The following PDK3 variants were observed in gnomAD, a reference collection of about 807,000 sequenced individuals.
PDK3 encodes pyruvate dehydrogenase kinase, isozyme 3.
In PDK3, 12 loss-of-function variants were observed where a neutral mutation model predicts 32.0. The observed-to-expected ratio is 0.37, with a 90% CI of 0.24 to 0.61. The LOEUF (loss-of-function observed/expected upper bound fraction) is 0.61. Ranked by LOEUF, PDK3 falls within the 20% of genes least tolerant of loss-of-function variation. The probability of loss-of-function intolerance (pLI) is 0.65; values close to 1 mark genes in which losing one functional copy is unlikely to be tolerated. For synonymous variants in PDK3, 122 were observed against 116.3 expected (o/e 1.05, Z -0.31); for missense variants, 188 against 316.9 (o/e 0.59, Z 3.09).
At chrX:24,527,027 A>G (rs139442926) in intron 7 of PDK3, among the ~76,000 whole-genome samples, 1 of 112,440 alleles carries the variant, frequency 8.9e-6, no homozygotes, top group African/African-American at 3.2e-5. Context: ...ATGGGCATTC[A>G]ATTGTGAACT....
In PDK3 at chrX:24,494,072, C is replaced by G. The variant is rs779655492; in HGVS notation, c.107-670C>G. ...GAAGCCTCCAGAAGGCACTGACCTC[C>G]TTCCTTATGGTCAACCCACATCTTA... On this transcript the variant is annotated intron_variant, in intron 1 of 10. Coordinates refer to ENST00000379162, the MANE Select transcript of PDK3 (RefSeq NM_005391.5). Among the ~76,000 whole-genome samples the G allele has an allele frequency of 2.3e-4, 26 of 112,421 alleles. 1 individual carries two copies. The South Asian group carries it at 9.2e-3, about 40-fold the overall frequency.
At chrX:24,528,279 G>A (rs1343258419) in intron 9 of PDK3, 93 bp downstream of exon 9, 1 of 491,144 alleles carries the variant, frequency 2.0e-6, no homozygotes, top group African/African-American at 2.4e-5. Flanking sequence ...TCACATTAGT[G>A]TAGTTGATTT....
At position 24,497,588 on chromosome X, in the gene PDK3, C is replaced by A. The variant is rs112802742; in HGVS notation, c.249-1241C>A. ...GGCGTGAGCTAACACGCCCAGCCCCCAGAGACTTTTAAAAAGTATGTCCAT... is the reference window on the plus strand; with the variant it reads ...GGCGTGAGCTAACACGCCCAGCCCCAAGAGACTTTTAAAAAGTATGTCCAT... On this transcript the variant is annotated intron_variant, in intron 2 of 10. Coordinates refer to ENST00000379162, the MANE Select transcript of PDK3 (RefSeq NM_005391.5). Among the ~76,000 whole-genome samples, 1,055 of 113,051 alleles carry A rather than the reference C, an allele frequency of 9.3e-3. 11 individuals carry two copies. The highest frequency in any genetic ancestry group is 0.032 in the African/African-American group (988 of 31,166).
chrX:24,539,680 T>C (rs1410713738), exon 12 of PDK3: 1 of 112,762 alleles, frequency 8.9e-6, no homozygotes, highest in East Asian at 2.8e-4. Flanking sequence ...CCTCCGCCAC[T>C]CTATGATTTA....
rs1484627804 is a variant in PDK3, at chrX:24,524,333, G to A, written c.674-1865G>A. On this transcript the variant is annotated intron_variant, in intron 6 of 10. Coordinates refer to ENST00000379162, the MANE Select transcript of PDK3 (RefSeq NM_005391.5). The stretch of plus-strand genomic sequence containing the variant: ...CATGCAGTAGGTATGGAAGCTGGAA[G>A]TAGGTATGGAAGCTGGAAGTAGGTA... Among the ~76,000 whole-genome samples the A allele has an allele frequency of 7.1e-5, 8 of 112,270 alleles. No individual in the cohort carries two copies. In the East Asian group the frequency reaches 2.2e-3, roughly 31 times the overall value.
chrX:24,544,669 A>G (rs1242012676), exon 12 of PDK3, among the ~76,000 whole-genome samples: 1 of 112,009 alleles, frequency 8.9e-6, no homozygotes, highest in East Asian at 2.8e-4. Context: ...TCTTCGATTC[A>G]TCCCCAACTT....
intron 5 of PDK3, among the ~76,000 whole-genome samples, chrX:24,512,773 G>A (rs1284361233): frequency 9.0e-6 from 1 of 110,774 alleles, no homozygotes; most frequent in East Asian, 2.8e-4. Context: ...AAAAAAAAAA[G>A]AAATTGGAAT....
intron 1 of PDK3, among the ~76,000 whole-genome samples, chrX:24,473,652 G>T: frequency 9.1e-6 from 1 of 109,488 alleles, no homozygotes; most frequent in Non-Finnish European, 1.9e-5. Context: ...GCCCAGGCTG[G>T]TCTCGAACTC....
intron 3 of PDK3, 79 bp from the exon 4 acceptor site, chrX:24,503,248 C>T: frequency 1.6e-6 from 1 of 619,243 alleles, no homozygotes; most frequent in Non-Finnish European, 2.4e-6. Flanking sequence ...GACAACTAGT[C>T]TGGGGACAGA....
intron 1 of PDK3, among the ~76,000 whole-genome samples, chrX:24,468,077 A>G (rs1940079362): frequency 8.9e-6 from 1 of 112,103 alleles, no homozygotes; most frequent in Non-Finnish European, 1.9e-5. Flanking sequence ...TAGAGTAACT[A>G]GACAGGGACC....
At position 24,527,630 on chromosome X, in the gene PDK3, T is replaced by C. The variant is rs1440479367; in HGVS notation, c.807T>C (p.Ala269=). 8.4e-7 allele frequency: 1 copy of C among 1,192,938 alleles called. No homozygotes were observed. Among genetic ancestry groups the C allele is most frequent in the Non-Finnish European group, 1.1e-6 (1 of 880,416 alleles). Residue 269 remains alanine (A), a synonymous_variant, in exon 8 of 11, where the codon GCT becomes GCC. Transcript: ENST00000379162. The part of the protein sequence containing the change: ...LYEDRKEGYP[A]VKTLVTLGKE... The stretch of plus-strand genomic sequence containing the variant: ...AAGACAGAAAAGAGGGCTACCCTGC[T>C]GTTAAAACCCTCGTTACTTTGGGTA...
chrX:24,517,467 C>G (rs1287800464), intron 5 of PDK3, among the ~76,000 whole-genome samples: 1 of 112,208 alleles, frequency 8.9e-6, no homozygotes, highest in Non-Finnish European at 1.9e-5. Flanking sequence ...AAGTGATCAG[C>G]CCACCTCGGC....
Position 24,534,336 on chromosome X carries a change from A to G in PDK3, c.*264A>G, listed in dbSNP as rs1263239308. ...AATGGAATATTATTTGGCCTTAAAAAGGAAGGACATTCTGATATGTGCTGC... is the reference window on the plus strand; with the variant it reads ...AATGGAATATTATTTGGCCTTAAAAGGGAAGGACATTCTGATATGTGCTGC... On this transcript the variant is annotated 3_prime_UTR_variant, in exon 11 of 11. Coordinates refer to ENST00000379162, the MANE Select transcript of PDK3 (RefSeq NM_005391.5). 1 of 590,590 alleles carries G rather than the reference A, an allele frequency of 1.7e-6. No homozygotes were observed. The highest frequency in any genetic ancestry group is 2.3e-5 in the African/African-American group (1 of 43,224). The allele number at this position is 590,590 out of a possible 1,213,427, so 48.7% of individuals were successfully genotyped here. A position where few individuals can be genotyped will look rare whatever the true frequency, so the allele number is the denominator to read the frequency against.
Position 24,527,445 on chromosome X carries a change from A to G in PDK3, c.751-129A>G, listed in dbSNP as rs1334053028. On this transcript the variant is annotated intron_variant, in intron 7 of 10. Coordinates refer to ENST00000379162, the MANE Select transcript of PDK3 (RefSeq NM_005391.5). ...TAAGCTCTTTAGAGGGAAAAATGCCATAAAAATCCAACTAATATTTGCCCC... is the reference window on the plus strand; with the variant it reads ...TAAGCTCTTTAGAGGGAAAAATGCCGTAAAAATCCAACTAATATTTGCCCC... 1.6e-5 allele frequency: 7 copies of G among 436,843 alleles called. No individual in the cohort carries two copies. In the East Asian group the frequency reaches 2.5e-4, roughly 15 times the overall value. The allele number at this position is 436,843 out of a possible 1,213,427, so 36.0% of individuals were successfully genotyped here.
chrX:24,536,845 A>G (rs1031929969), downstream of PDK3, among the ~76,000 whole-genome samples: 5 of 111,476 alleles, frequency 4.5e-5, no homozygotes, highest in Non-Finnish European at 7.5e-5. Context: ...TACAAGGAAC[A>G]CATAGTCTAT....
intron 1 of PDK3, among the ~76,000 whole-genome samples, chrX:24,466,824 G>A (rs1400403319): frequency 1.8e-5 from 2 of 111,894 alleles, no homozygotes; most frequent in African/African-American, 6.5e-5. Flanking sequence ...AATTGTAGAG[G>A]TTTGAGGCAG....
intron 1 of PDK3, among the ~76,000 whole-genome samples, chrX:24,484,741 T>C (rs977830760): frequency 1.8e-5 from 2 of 111,573 alleles, no homozygotes; most frequent in African/African-American, 6.5e-5. Flanking sequence ...TTGTATGAGA[T>C]TTTTGTATTT....
downstream of PDK3, among the ~76,000 whole-genome samples, chrX:24,534,620 A>G (rs1437419083): frequency 8.9e-6 from 1 of 112,461 alleles, no homozygotes; most frequent in Non-Finnish European, 1.9e-5. Flanking sequence ...AATGTACTCA[A>G]TGCCACTGAA....
exon 12 of PDK3, among the ~76,000 whole-genome samples, chrX:24,542,431 A>T (rs1602133307): frequency 1.8e-5 from 2 of 112,888 alleles, no homozygotes; most frequent in African/African-American, 3.2e-5. Flanking sequence ...GAGTTTGCCA[A>T]GGTGGCATGG....
Sources: allele counts gnomAD v4.1 joint callset (sites outside exome capture counted in the v4.1 genomes callset), GRCh38; gene constraint gnomAD v4.1.1; transcripts MANE v1.5; gene names NCBI Gene and HGNC (gene_info 2026-07-23, HGNC 2026-07-21).